Variants in VPS51 observed in about 807,000 individuals in gnomAD.
VPS51 encodes the protein VPS51 subunit of GARP complex.
Under a neutral mutation model 65.1 loss-of-function variants are expected in VPS51, and 55 were observed. That is an observed-to-expected ratio of 0.84 (90% confidence interval 0.68 to 1.06). The LOEUF is 1.06. Among genes scored for constraint, VPS51 ranks in the 50% least tolerant of loss-of-function variants. The pLI is 0.00. For missense variants in VPS51, 943 were observed against 1,101.6 expected (o/e 0.86, Z 2.04); for synonymous variants, 473 against 489.5 (o/e 0.97, Z 0.44).
chr11:65,110,444 G>A (rs751094729), intron 7 of VPS51, 38 bp from the exon 8 acceptor site: 1 of 1,613,448 alleles, frequency 6.2e-7, no homozygotes, highest in South Asian at 1.1e-5. Flanking sequence ...GGTTTCCCCT[G>A]ACTCGGGCCT....
Position 65,097,078 on chromosome 11 carries a change from C to T in VPS51, c.309C>T (p.Asp103=), listed in dbSNP as rs762244845. 4.3e-6 allele frequency: 7 copies of T among 1,613,896 alleles called. No individual in the cohort carries two copies. The highest frequency in any genetic ancestry group is 5.1e-6 in the Non-Finnish European group (6 of 1,180,008). The part of the protein sequence containing the change: ...MVRQIRALDS[D]MQTLVYENYN... ...GGCAGATCCGGGCTCTAGACAGCGACATGCAGACCCTGGTCTATGAGAACT... is the reference window on the plus strand; with the variant it reads ...GGCAGATCCGGGCTCTAGACAGCGATATGCAGACCCTGGTCTATGAGAACT... Residue 103 remains aspartate, a synonymous_variant, in exon 2 of 10, where the codon GAC becomes GAT. Transcript: ENST00000279281.
chr11:65,100,326 T>C (rs1297113389), intron 2 of VPS51, among the ~76,000 whole-genome samples: 1 of 152,120 alleles, frequency 6.6e-6, no homozygotes, highest in Non-Finnish European at 1.5e-5. Flanking sequence ...CACATATAAA[T>C]ATGCTCAGCA....
Position 65,107,660 on chromosome 11 carries a change from C to A in VPS51, c.438C>A (p.Ile146=), listed in dbSNP as rs776605904. The A allele has an allele frequency of 1.7e-5, 27 of 1,610,172 alleles. No homozygotes were observed. The highest frequency in any genetic ancestry group is 2.0e-5 in the Non-Finnish European group (24 of 1,177,364). ...MDRLATNMAV[I]TDFSARISAT... is the part of the protein sequence containing the mutation. ...GGCTGGCCACCAACATGGCAGTGAT[C>A]ACCGACTTCAGCGCTCGCATCAGCG... The change falls in exon 3 of 10, where the codon ATC becomes ATA. Residue 146 remains isoleucine, a synonymous_variant. Coordinates refer to ENST00000279281, the MANE Select transcript of VPS51 (RefSeq NM_013265.4). This position sits in a 1 kb window ranked among gnomAD's most constrained non-coding sequence, Gnocchi z 4.0.
rs775068256 is a variant in VPS51 at position 65,109,323 on chromosome 11, G to A, written c.1487G>A (p.Gly496Asp). The A allele has an allele frequency of 2.5e-6, 4 of 1,613,442 alleles. No individual in the cohort carries two copies. Among genetic ancestry groups the A allele is most frequent in the Non-Finnish European group, 3.4e-6 (4 of 1,179,856 alleles). Residue 496 changes from glycine (G) to aspartate (D), a missense_variant, in exon 6 of 10, where the codon GGC (glycine) becomes GAC (aspartate). Gly to Asp is a moderately conservative substitution (Grantham distance 94). Around this residue, in one of 2 missense-constraint regions of VPS51, gnomAD observed 855 missense variants for 953.7 expected, o/e 0.90. Transcript: ENST00000279281. ...GGTGTCCGTGAGGGCCTCATCGTGG[G>A]CTTCGTCCACTCTATGTGCCAGACG... The part of the protein sequence containing the change: ...SQGVREGLIV[G>D]FVHSMCQTAQ...
intron 7 of VPS51, chr11:65,110,234 A>C: frequency 1.5e-6 from 1 of 660,958 alleles, no homozygotes. Flanking sequence ...AGGGTTACCC[A>C]GGAAGTCAGG....
chr11:65,111,845 A>G lies in VPS51; in HGVS notation c.*258A>G, dbSNP rs1052812320. The G allele has an allele frequency of 1.0e-5, 10 of 974,754 alleles. No homozygotes were observed. In the African/African-American group the frequency reaches 1.6e-4, roughly 16 times the overall value. 60.4% of individuals were successfully genotyped at this position (974,754 alleles called of 1,614,324 possible). A position where few individuals can be genotyped will look rare whatever the true frequency, so the allele number is the denominator to read the frequency against. ...GCATGGGCAGGGGGCGGTTCCACTT[A>G]AAAACCCTGGGACGAGAGCGGTCCT... is the stretch of plus-strand genomic sequence containing the variant. On this transcript the variant is annotated 3_prime_UTR_variant, in exon 10 of 10. Coordinates refer to ENST00000279281, the MANE Select transcript of VPS51 (RefSeq NM_013265.4).
At chr11:65,102,369 T>C (rs1565310932) in intron 2 of VPS51, among the ~76,000 whole-genome samples, 1 of 152,222 alleles carries the variant, frequency 6.6e-6, no homozygotes, top group Admixed American at 6.5e-5. Context: ...CTGAATGGTG[T>C]GGATGCTTTC....
chr11:65,098,352 TATG>T (rs1375175650), intron 2 of VPS51, among the ~76,000 whole-genome samples: 3 of 152,234 alleles, frequency 2.0e-5, no homozygotes, highest in Admixed American at 6.6e-5. Context: ...AGAGAAGATG[TATG>T]ATATTAGGGG....
In VPS51 at chr11:65,096,442, C is replaced by T. The variant is rs1485701911; in HGVS notation, c.192C>T (p.Asn64=). 5.7e-6 allele frequency: 8 copies of T among 1,394,072 alleles called. No homozygotes were observed. Among genetic ancestry groups the T allele is most frequent in the Non-Finnish European group, 4.7e-6 (5 of 1,061,694 alleles). The allele number at this position is 1,394,072 out of a possible 1,614,324, so 86.4% of individuals were successfully genotyped here. The part of the protein sequence containing the change: ...GPDPLDPTDL[N]GAHFDPEVYL... ...ACCCCCTGGACCCGACTGATCTGAA[C>T]GGGGCGCACTTCGACCCGGAAGTTT... The change falls in exon 1 of 10, where the codon AAC becomes AAT. Residue 64 remains asparagine (N), a synonymous_variant. Coordinates refer to ENST00000279281, the MANE Select transcript of VPS51 (RefSeq NM_013265.4).
chr11:65,107,972 C>CT lies in VPS51; in HGVS notation c.676dup (p.Cys226LeufsTer17). On this transcript the variant is annotated frameshift_variant, in exon 4 of 10. Transcript: ENST00000279281. LOFTEE classifies it high-confidence loss of function. This position sits in a 1 kb window ranked among gnomAD's most constrained non-coding sequence, Gnocchi z 4.0. ...CCTCGTTCCGCGCCATCCAGGACGACTGCCAGGTCATCACGGCCCGCCTGG... is the reference window on the plus strand; with the variant it reads ...CCTCGTTCCGCGCCATCCAGGACGACTTGCCAGGTCATCACGGCCCGCCTGG... 6.4e-7 allele frequency: 1 copy of CT among 1,565,466 alleles called. No individual in the cohort carries two copies. Among genetic ancestry groups the CT allele is most frequent in the Non-Finnish European group, 8.6e-7 (1 of 1,157,394 alleles).
chr11:65,109,628 C>T (rs1947874583), intron 6 of VPS51, 77 bp from the exon 7 acceptor site: 8 of 1,513,820 alleles, frequency 5.3e-6, no homozygotes, highest in Non-Finnish European at 7.1e-6. Flanking sequence ...CAATCTGTGC[C>T]CAGCTCCTGG....
At chr11:65,098,513 G>A (rs1416040308) in intron 2 of VPS51, among the ~76,000 whole-genome samples, 1 of 152,190 alleles carries the variant, frequency 6.6e-6, no homozygotes, top group Non-Finnish European at 1.5e-5. Flanking sequence ...ACACCCACGT[G>A]TAGTAAGTCC....
chr11:65,106,883 T>TTCA (rs1423160163), intron 2 of VPS51, among the ~76,000 whole-genome samples: 1 of 151,854 alleles, frequency 6.6e-6, no homozygotes, highest in Non-Finnish European at 1.5e-5. Context: ...GATGGGGAAC[T>TTCA]GAGAGGAGTG....
In VPS51 at chr11:65,108,565, A is replaced by G. The variant is rs749760885; in HGVS notation, c.1094A>G (p.Asn365Ser). The G allele has an allele frequency of 3.5e-5, 54 of 1,561,610 alleles. No homozygotes were observed. Among genetic ancestry groups the G allele is most frequent in the Non-Finnish European group, 4.5e-5 (52 of 1,160,904 alleles). ...RLAQEQGGGDNSLLVRALDRF... is the reference protein window; with the variant it reads ...RLAQEQGGGDSSLLVRALDRF... The stretch of plus-strand genomic sequence containing the variant: ...GCGCAGGAGCAGGGTGGTGGTGACA[A>G]CTCACTGCTGGTGCGGGCGCTGGAC... Residue 365 changes from asparagine to serine, a missense_variant, in exon 5 of 10, where the codon AAC (asparagine) becomes AGC (serine). Transcript: ENST00000279281.
chr11:65,098,597 G>A (rs1228565176), intron 2 of VPS51, among the ~76,000 whole-genome samples: 1 of 152,178 alleles, frequency 6.6e-6, no homozygotes, highest in African/African-American at 2.4e-5. Flanking sequence ...GCATTCTGAT[G>A]TCTTACTCTC....
intron 1 of VPS51, 143 bp downstream of exon 1, chr11:65,096,621 G>A (rs1947771842): frequency 1.3e-6 from 1 of 755,302 alleles, no homozygotes. Flanking sequence ...CCTCGGCCAG[G>A]GAGTACGAGC....
Position 65,108,595 on chromosome 11 carries a change from T to G in VPS51, c.1124T>G (p.Phe375Cys). The G allele has an allele frequency of 6.5e-7, 1 of 1,537,986 alleles. No homozygotes were observed. The highest frequency in any genetic ancestry group is 8.7e-7 in the Non-Finnish European group (1 of 1,149,250). The change falls in exon 5 of 10, where the codon TTC (phenylalanine) becomes TGC (cysteine). Residue 375 changes from phenylalanine (F) to cysteine (C), a missense_variant. This residue lies in a region of VPS51 where 855 missense variants were observed against 953.7 expected (regional missense o/e 0.90). Transcript: ENST00000279281. ...NSLLVRALDR[F>C]HRRLRAPGAL... is the part of the protein sequence containing the mutation. ...CTGCTGGTGCGGGCGCTGGACCGCT[T>G]CCACCGGCGCTTGCGGGCTCCCGGG...
chr11:65,103,545 A>G (rs1947822881), intron 2 of VPS51, among the ~76,000 whole-genome samples: 1 of 152,070 alleles, frequency 6.6e-6, no homozygotes, highest in Admixed American at 6.5e-5. Context: ...TCTTTCTCTT[A>G]TATTTTCTCT....
chr11:65,111,750 A>G lies in VPS51; in HGVS notation c.*163A>G, dbSNP rs1947905922. 7.8e-7 allele frequency: 1 copy of G among 1,276,158 alleles called. No individual in the cohort carries two copies. The highest frequency in any genetic ancestry group is 1.0e-6 in the Non-Finnish European group (1 of 954,768). The allele number at this position is 1,276,158 out of a possible 1,614,324, so 79.1% of individuals were successfully genotyped here. Reference sequence around the variant, plus strand: ...GGGCCTTTCCGGGGGCGGGGTTTTGAAGCTGAGGCTTCTGAGGCGCCCGCG... The same window carrying G: ...GGGCCTTTCCGGGGGCGGGGTTTTGGAGCTGAGGCTTCTGAGGCGCCCGCG... On this transcript the variant is annotated 3_prime_UTR_variant, in exon 10 of 10. Coordinates refer to ENST00000279281, the MANE Select transcript of VPS51 (RefSeq NM_013265.4).
Sources: allele counts gnomAD v4.1 joint callset (sites outside exome capture counted in the v4.1 genomes callset), GRCh38; gene constraint gnomAD v4.1.1; regional missense constraint gnomAD v4.1.1; non-coding constraint Gnocchi (gnomAD v3.1); transcripts MANE v1.5; gene names NCBI Gene and HGNC (gene_info 2026-07-23, HGNC 2026-07-21).